BCAR3: variants seen among roughly 807,000 people sequenced by gnomAD.
BCAR3 encodes BCAR3 adaptor protein, NSP family member.
A neutral mutation model predicts 80.1 loss-of-function variants in BCAR3; 37 were observed. The ratio of observed to expected loss-of-function variants is 0.46; its 90% confidence interval spans 0.36 to 0.61. The LOEUF is 0.61. BCAR3 is among the 20% of genes least tolerant of loss of function. The pLI is 0.00. For synonymous variants in BCAR3, 389 were observed against 418.9 expected (o/e 0.93, Z 0.87); for missense variants, 978 against 1,068.2 (o/e 0.92, Z 1.18).
At chr1:93,691,738 G>A (rs1163717740) in intron 3 of BCAR3, among the ~76,000 whole-genome samples, 3 of 151,958 alleles carry the variant, frequency 2.0e-5, no homozygotes, top group Admixed American at 2.0e-4. Flanking sequence ...GTCAATCCCT[G>A]CAAAGTAAGG....
At chr1:93,742,283 C>T (rs1651205401) in intron 2 of BCAR3, among the ~76,000 whole-genome samples, 3 of 152,178 alleles carry the variant, frequency 2.0e-5, no homozygotes, top group Admixed American at 2.0e-4. Flanking sequence ...ATCCAAAGAG[C>T]TCTCTGGAGT....
intron 3 of BCAR3, among the ~76,000 whole-genome samples, chr1:93,690,425 T>C (rs1649149065): frequency 6.6e-6 from 1 of 152,256 alleles, no homozygotes; most frequent in South Asian, 2.1e-4. Context: ...AATAATCTTA[T>C]AAGGTGGCAC....
chr1:93,791,239 A>G (rs1299295218), intron 2 of BCAR3, among the ~76,000 whole-genome samples: 1 of 73,970 alleles, frequency 1.4e-5, no homozygotes, highest in Non-Finnish European at 2.3e-5. Context: ...ACTGACTTCC[A>G]CAATGGTTGA....
At chr1:93,765,956 C>T (rs1557681104) in intron 2 of BCAR3, among the ~76,000 whole-genome samples, 1 of 152,158 alleles carries the variant, frequency 6.6e-6, no homozygotes, top group South Asian at 2.1e-4. Context: ...TAAGCCACCG[C>T]TCCTGGCCTG....
intron 3 of BCAR3, among the ~76,000 whole-genome samples, chr1:93,627,159 T>C (rs954225905): frequency 6.6e-6 from 1 of 152,232 alleles, no homozygotes; most frequent in African/African-American, 2.4e-5. Flanking sequence ...TATTAATGAA[T>C]GTGAGTTCTG....
chr1:93,678,798 C>T (rs1046326247), intron 1 of BCAR3, among the ~76,000 whole-genome samples: 1 of 151,882 alleles, frequency 6.6e-6, no homozygotes, highest in South Asian at 2.1e-4. Flanking sequence ...GGGAAGGAGC[C>T]AGTCAAAAAA....
At chr1:93,823,515 A>C (rs1330480989) in intron 2 of BCAR3, among the ~76,000 whole-genome samples, 1 of 133,494 alleles carries the variant, frequency 7.5e-6, no homozygotes, top group Non-Finnish European at 1.7e-5. Flanking sequence ...GGAAATGAGG[A>C]GAGGAAAAAT....
At chr1:93,845,974 T>C (rs371027445) in intron 1 of BCAR3, among the ~76,000 whole-genome samples, 1 of 152,196 alleles carries the variant, frequency 6.6e-6, no homozygotes, top group East Asian at 1.9e-4. Context: ...CCGTGAAAGC[T>C]AACGTGTTAG....
intron 2 of BCAR3, among the ~76,000 whole-genome samples, chr1:93,660,246 G>C (rs1031795650): frequency 6.6e-6 from 1 of 152,162 alleles, no homozygotes; most frequent in South Asian, 2.1e-4. Context: ...GCCAGCGACC[G>C]AACTGTGATG....
rs144928860 is a variant in BCAR3, at chr1:93,674,821, T to C, written c.110A>G (p.His37Arg). 3.1e-6 allele frequency: 5 copies of C among 1,605,424 alleles called. No individual in the cohort carries two copies. The highest frequency in any genetic ancestry group is 4.2e-6 in the Non-Finnish European group (5 of 1,176,756). ...CACATCTTGATAGGCATCTGGGCGA[T>C]GCTCAGCGAGAGGGGACCTGCTGCT... ...LLSSRSPLAEHRPDAYQDVSI... is the reference protein window; with the variant it reads ...LLSSRSPLAERRPDAYQDVSI... The change falls in exon 2 of 12, where the codon CAT becomes CGT. Residue 37 changes from histidine to arginine, a missense_variant. Physicochemically the swap from His to Arg is conservative, Grantham distance 29. Coordinates refer to ENST00000260502, the MANE Select transcript of BCAR3 (RefSeq NM_003567.4).
intron 2 of BCAR3, among the ~76,000 whole-genome samples, chr1:93,652,961 A>G (rs1647202993): frequency 6.6e-6 from 1 of 152,168 alleles, no homozygotes; most frequent in African/African-American, 2.4e-5. Flanking sequence ...TATTCTTACT[A>G]TTTTAGTTTG....
chr1:93,835,743 G>T (rs531143466), intron 2 of BCAR3, among the ~76,000 whole-genome samples: 34 of 152,108 alleles, frequency 2.2e-4, no homozygotes, highest in Non-Finnish European at 3.5e-4. Context: ...TCAGGGATTT[G>T]CCCCTGCCCA....
At position 93,653,977 on chromosome 1, in the gene BCAR3, A is replaced by G. The variant is rs140549300; in HGVS notation, c.318-11634T>C. 7.9e-5 allele frequency among the ~76,000 whole-genome samples: 12 copies of G among 152,148 alleles called. No homozygotes were observed. In the East Asian group the frequency reaches 2.3e-3, roughly 29 times the overall value. On this transcript the variant is annotated intron_variant, in intron 2 of 11. Transcript: ENST00000260502. Reference sequence around the variant, plus strand: ...ACCTTCTGCATCTCGCCAGCTCCACAATTTGCTCTCTACCCAGAGCCACGA... The same window carrying G: ...ACCTTCTGCATCTCGCCAGCTCCACGATTTGCTCTCTACCCAGAGCCACGA...
intron 2 of BCAR3, among the ~76,000 whole-genome samples, chr1:93,807,837 C>A (rs973055720): frequency 1.3e-5 from 2 of 151,892 alleles, no homozygotes; most frequent in African/African-American, 2.4e-5. Flanking sequence ...AGTTCCAGGT[C>A]AGCCTTGGCA....
At chr1:93,732,104 G>T (rs1222524432) in intron 2 of BCAR3, among the ~76,000 whole-genome samples, 1 of 152,228 alleles carries the variant, frequency 6.6e-6, no homozygotes, top group East Asian at 1.9e-4. Context: ...GAGAGAATTG[G>T]CATATTTAGG....
chr1:93,811,002 G>A (rs1653822372), intron 2 of BCAR3, among the ~76,000 whole-genome samples: 1 of 152,146 alleles, frequency 6.6e-6, no homozygotes, highest in African/African-American at 2.4e-5. Context: ...GATAATTAGG[G>A]TGTCTCAGGC....
intron 2 of BCAR3, among the ~76,000 whole-genome samples, chr1:93,658,932 C>A (rs1360542429): frequency 6.6e-6 from 1 of 152,152 alleles, no homozygotes; most frequent in East Asian, 1.9e-4. Context: ...GCCTTGGAGT[C>A]CACTAGTCTA....
chr1:93,664,345 C>T (rs1478189157), intron 2 of BCAR3, among the ~76,000 whole-genome samples: 1 of 152,220 alleles, frequency 6.6e-6, no homozygotes, highest in Admixed American at 6.5e-5. Flanking sequence ...TCTCGAACTC[C>T]TGACCTCAGG....
intron 2 of BCAR3, among the ~76,000 whole-genome samples, chr1:93,844,137 T>C (rs976428115): frequency 2.0e-5 from 3 of 152,038 alleles, no homozygotes; most frequent in African/African-American, 7.2e-5. Flanking sequence ...TGAAACCCCA[T>C]CTCCATTAAA....
Sources: allele counts gnomAD v4.1 joint callset (sites outside exome capture counted in the v4.1 genomes callset), GRCh38; gene constraint gnomAD v4.1.1; transcripts MANE v1.5; gene names NCBI Gene and HGNC (gene_info 2026-07-23, HGNC 2026-07-21).